Variants in SHANK1 observed in about 807,000 individuals in gnomAD.
SHANK1 encodes the protein SH3 and multiple ankyrin repeat domains 1, also known as SH3 and multiple ankyrin repeat domains protein 1.
In SHANK1, 35 loss-of-function variants were observed where a neutral mutation model predicts 165.6. That is an observed-to-expected ratio of 0.21 (90% CI 0.16 to 0.28). The LOEUF (loss-of-function observed/expected upper bound fraction) is 0.28. Ranked by LOEUF, SHANK1 falls within the 10% of genes least tolerant of loss-of-function variation. The probability of loss-of-function intolerance (pLI) is 1.00; values close to 1 mark genes in which losing one functional copy is unlikely to be tolerated. For missense variants in SHANK1, 2,681 were observed against 3,036.4 expected (o/e 0.88, Z 2.75); for synonymous variants, 1,428 against 1,384.8 (o/e 1.03, Z -0.69).
At chr19:50,706,173 G>A (rs556892304) in intron 8 of SHANK1, among the ~76,000 whole-genome samples, 7 of 138,924 alleles carry the variant, frequency 5.0e-5, no homozygotes, top group Non-Finnish European at 9.4e-5. Flanking sequence ...AAAAGGGGGG[G>A]TTGGGGGGGC....
intron 8 of SHANK1, among the ~76,000 whole-genome samples, chr19:50,706,641 A>G (rs962116227): frequency 6.6e-6 from 1 of 151,628 alleles, no homozygotes; most frequent in Non-Finnish European, 1.5e-5. Flanking sequence ...TTCCCGCTAG[A>G]TCTCAGCATA....
rs1271963879 is a variant in SHANK1 at position 50,713,111 on chromosome 19, C to T, written c.792+687G>A. Among the ~76,000 whole-genome samples the T allele has an allele frequency of 6.6e-6, 1 of 151,986 alleles. No individual in the cohort carries two copies. The highest frequency in any genetic ancestry group is 2.4e-5 in the African/African-American group (1 of 41,362). On this transcript the variant is annotated intron_variant, in intron 6 of 23. Transcript: ENST00000293441. This position sits in a 1 kb window ranked among gnomAD's most constrained non-coding sequence, Gnocchi z 6.2. ...CATCTGAGGGAGAGAAGGGAGGGGC[C>T]GTTTAGCTGGAGCAGCTGTGCGTCG...
At position 50,718,290 on chromosome 19, in the gene SHANK1, C is replaced by CT. The variant is rs934203871; in HGVS notation, c.-44+1115dup. 7.2e-5 allele frequency among the ~76,000 whole-genome samples: 11 copies of CT among 152,012 alleles called. No individual in the cohort carries two copies. The highest frequency in any genetic ancestry group is 2.7e-4 in the African/African-American group (11 of 41,390). ...CAGGTACCCAGCCACGCCGCCCCAC[C>CT]TCGTCCCTGCGGAGACCCCGGCTGC... On this transcript the variant is annotated intron_variant, in intron 1 of 23. Coordinates refer to ENST00000293441, the MANE Select transcript of SHANK1 (RefSeq NM_016148.5). The surrounding 1 kb of genome is among the most constrained non-coding windows in gnomAD (Gnocchi z 5.1).
chr19:50,664,260 A>C (rs1374923097), intron 23 of SHANK1, among the ~76,000 whole-genome samples: 2 of 152,074 alleles, frequency 1.3e-5, no homozygotes, highest in East Asian at 3.8e-4. Flanking sequence ...TAGATGGACA[A>C]GGATATTTAA....
At chr19:50,704,797 G>C (rs545094477) in intron 8 of SHANK1, among the ~76,000 whole-genome samples, 1 of 152,316 alleles carries the variant, frequency 6.6e-6, no homozygotes, top group Non-Finnish European at 1.5e-5. Flanking sequence ...GCCAGGCGTG[G>C]TGGCTCAAGC....
intron 4 of SHANK1, among the ~76,000 whole-genome samples, 200 bp from the exon 5 acceptor site, chr19:50,714,490 G>A (rs557826933): frequency 4.3e-4 from 65 of 152,184 alleles, no homozygotes; most frequent in African/African-American, 1.4e-3. Flanking sequence ...CCAGGGGTTC[G>A]AGACCAGCCT....
intron 21 of SHANK1, among the ~76,000 whole-genome samples, chr19:50,682,956 G>A (rs1482805583): frequency 6.6e-6 from 1 of 152,128 alleles, no homozygotes; most frequent in Non-Finnish European, 1.5e-5. Context: ...CCCCAGAGTA[G>A]CTAGGACTAC....
In SHANK1 at chr19:50,686,437, C is replaced by T. The variant is rs962674116; in HGVS notation, c.2459-82G>A. ...CCCGGGCCGCAAAGACCAGAGCTGC[C>T]GCCCGCAGTTCATCCAGCACCTGGA... On this transcript the variant is annotated intron_variant, in intron 20 of 23. Transcript: ENST00000293441. This position sits in a 1 kb window ranked among gnomAD's most constrained non-coding sequence, Gnocchi z 5.7. 2 of 1,019,790 alleles carry T rather than the reference C, an allele frequency of 2.0e-6. No homozygotes were observed. The highest frequency in any genetic ancestry group is 1.6e-5 in the South Asian group (1 of 64,156). The allele number at this position is 1,019,790 out of a possible 1,614,324, so 63.2% of individuals were successfully genotyped here.
chr19:50,680,076 A>G lies in SHANK1; in HGVS notation c.2577+6161T>C, dbSNP rs530434447. Among the ~76,000 whole-genome samples, 29 of 152,148 alleles carry G rather than the reference A, an allele frequency of 1.9e-4. No individual in the cohort carries two copies. In the South Asian group the frequency reaches 2.5e-3, roughly 13 times the overall value. On this transcript the variant is annotated intron_variant, in intron 21 of 23. Transcript: ENST00000293441. ...TAGGGAGACAAGGAGACACAGAGACAGAGATGGAGAGACAGAGACAAAGAG... is the reference window on the plus strand; with the variant it reads ...TAGGGAGACAAGGAGACACAGAGACGGAGATGGAGAGACAGAGACAAAGAG...
chr19:50,713,236 A>G lies in SHANK1; in HGVS notation c.792+562T>C, dbSNP rs1401128456. Among the ~76,000 whole-genome samples, 1 of 152,182 alleles carries G rather than the reference A, an allele frequency of 6.6e-6. No homozygotes were observed. Among genetic ancestry groups the G allele is most frequent in the Non-Finnish European group, 1.5e-5 (1 of 68,036 alleles). On this transcript the variant is annotated intron_variant, in intron 6 of 23. Coordinates refer to ENST00000293441, the MANE Select transcript of SHANK1 (RefSeq NM_016148.5). The surrounding 1 kb of genome is among the most constrained non-coding windows in gnomAD (Gnocchi z 6.2). The stretch of plus-strand genomic sequence containing the variant: ...GGGGGCAGGGGGAGAAGAGTATTTT[A>G]AAATTAGACTGTGCAGCTGCCGCTG...
At position 50,666,181 on chromosome 19, in the gene SHANK1, C is replaced by A; in HGVS notation, c.5768+11G>T. ...TCTGGCCTCCCTTGTTGGCCACCAG[C>A]CCCCGCTTACCTCTGCCGCTGCAGG... is the stretch of plus-strand genomic sequence containing the variant. On this transcript the variant is annotated intron_variant, in intron 23 of 23. Transcript: ENST00000293441. 1.3e-6 allele frequency: 2 copies of A among 1,568,716 alleles called. No individual in the cohort carries two copies. Among genetic ancestry groups the A allele is most frequent in the Non-Finnish European group, 1.7e-6 (2 of 1,157,084 alleles).
chr19:50,695,263 G>A (rs866366492), intron 15 of SHANK1, among the ~76,000 whole-genome samples: 1 of 146,200 alleles, frequency 6.8e-6, no homozygotes, highest in Non-Finnish European at 1.5e-5. Context: ...GGGCGCGGGG[G>A]CGCGGGGCGC....
chr19:50,704,194 G>A lies in SHANK1; in HGVS notation c.1156-8C>T. 1.2e-6 allele frequency: 2 copies of A among 1,613,764 alleles called. No individual in the cohort carries two copies. Among genetic ancestry groups the A allele is most frequent in the Non-Finnish European group, 8.5e-7 (1 of 1,179,878 alleles). ...CCCAGCAATCACTGCCACCTGGAGGGAGGGGGTAGAGGCAGGTCGGCCAGG... is the reference window on the plus strand; with the variant it reads ...CCCAGCAATCACTGCCACCTGGAGGAAGGGGGTAGAGGCAGGTCGGCCAGG... On this transcript the variant is annotated splice_region_variant and splice_polypyrimidine_tract_variant and intron_variant, in intron 9 of 23. Transcript: ENST00000293441.
At chr19:50,711,177 A>G (rs542263019) in intron 8 of SHANK1, 194 bp downstream of exon 8, 3 of 463,752 alleles carry the variant, frequency 6.5e-6, no homozygotes, top group Non-Finnish European at 1.2e-5. Flanking sequence ...CTCAGTAAAT[A>G]TCTGTTGGAT....
chr19:50,676,139 A>G (rs890367213), intron 21 of SHANK1, among the ~76,000 whole-genome samples: 1 of 148,638 alleles, frequency 6.7e-6, no homozygotes, highest in Admixed American at 6.7e-5. Flanking sequence ...CTCACCCCCA[A>G]TTTTTTTTTT....
In SHANK1 at chr19:50,714,692, A is replaced by C. The variant is rs1192761373; in HGVS notation, c.532-402T>G. ...GGTGACAGAGCAAGACCCCGTCTCA[A>C]AAAAAAAAAAAAAAAAAATCAGGGT... On this transcript the variant is annotated intron_variant, in intron 4 of 23. Transcript: ENST00000293441. Among the ~76,000 whole-genome samples, 17 of 126,986 alleles carry C rather than the reference A, an allele frequency of 1.3e-4. No individual in the cohort carries two copies. The South Asian group carries it at 3.7e-3, about 28-fold the overall frequency. 83.3% of individuals were successfully genotyped at this position (126,986 alleles called of 152,430 possible). A position where few individuals can be genotyped will look rare whatever the true frequency, so the allele number is the denominator to read the frequency against.
At position 50,716,369 on chromosome 19, in the gene SHANK1, G is replaced by A. The variant is rs767347935; in HGVS notation, c.365C>T (p.Pro122Leu). ...GTTGGCATCGCGGCCGGAGGTGGCCGGTTGGAACAGGCCATAGTTGAGCAC... is the reference window on the plus strand; with the variant it reads ...GTTGGCATCGCGGCCGGAGGTGGCCAGTTGGAACAGGCCATAGTTGAGCAC... ...QDVLNYGLFQ[P>L]ATSGRDANFL... is the part of the protein sequence containing the mutation. Residue 122 changes from proline to leucine, a missense_variant, in exon 3 of 24, where the codon CCG becomes CTG. Coordinates refer to ENST00000293441, the MANE Select transcript of SHANK1 (RefSeq NM_016148.5). This position sits in a 1 kb window ranked among gnomAD's most constrained non-coding sequence, Gnocchi z 8.4. 3 of 1,614,206 alleles carry A rather than the reference G, an allele frequency of 1.9e-6. No homozygotes were observed. Among genetic ancestry groups the A allele is most frequent in the Non-Finnish European group, 2.5e-6 (3 of 1,180,026 alleles).
rs199831130 is a variant in SHANK1 at position 50,661,755 on chromosome 19, A to T, written c.*210T>A. 1 of 520,636 alleles carries T rather than the reference A, an allele frequency of 1.9e-6. No individual in the cohort carries two copies. Among genetic ancestry groups the T allele is most frequent in the Non-Finnish European group, 3.4e-6 (1 of 295,318 alleles). 32.3% of individuals were successfully genotyped at this position (520,636 alleles called of 1,614,324 possible). The stretch of plus-strand genomic sequence containing the variant: ...CTCCCCGCTTCACACACACACACAC[A>T]CTCTTGTGTCAGCTGCCCCCCTTCA... On this transcript the variant is annotated 3_prime_UTR_variant, in exon 24 of 24. Coordinates refer to ENST00000293441, the MANE Select transcript of SHANK1 (RefSeq NM_016148.5).
At chr19:50,678,737 C>T (rs1203469027) in intron 21 of SHANK1, among the ~76,000 whole-genome samples, 3 of 63,584 alleles carry the variant, frequency 4.7e-5, no homozygotes, top group Non-Finnish European at 6.6e-5. Context: ...AAAGGGAAAA[C>T]GGAGGGGTCA....
Sources: gnomAD v4.1 joint callset for allele counts (sites outside exome capture counted in the v4.1 genomes callset) on GRCh38, gnomAD v4.1.1 for gene constraint, Gnocchi (gnomAD v3.1) non-coding constraint, MANE v1.5 for transcripts, NCBI Gene and HGNC (gene_info 2026-07-23, HGNC 2026-07-21) for gene names.